VRK2: variants seen among roughly 807,000 people sequenced by gnomAD.
The protein encoded by VRK2 is VRK serine/threonine kinase 2.
A neutral mutation model predicts 57.6 loss-of-function variants in VRK2; 60 were observed. The ratio of observed to expected loss-of-function variants is 1.04; its 90% CI spans 0.85 to 1.29. VRK2 has a LOEUF of 1.29. Ranked by LOEUF, VRK2 falls within the 50% of genes most tolerant of loss-of-function variation. The pLI, the probability that VRK2 is intolerant of heterozygous loss-of-function variation, is 0.00. For missense variants in VRK2, 705 were observed against 588.1 expected (o/e 1.20, Z -2.06); for synonymous variants, 231 against 199.2 (o/e 1.16, Z -1.35).
At chr2:58,103,953 A>G (rs996086241) in intron 7 of VRK2, among the ~76,000 whole-genome samples, 1 of 151,792 alleles carries the variant, frequency 6.6e-6, no homozygotes, top group African/African-American at 2.4e-5. Flanking sequence ...GATTCATCAC[A>G]TAAGCAGAAT....
rs558251196 is a variant in VRK2, at chr2:58,147,039, A to C, written c.1182+565A>C. 30 of 376,968 alleles carry C rather than the reference A, an allele frequency of 8.0e-5. No homozygotes were observed. In the East Asian group the frequency reaches 1.7e-3, roughly 22 times the overall value. 23.4% of individuals were successfully genotyped at this position (376,968 alleles called of 1,614,324 possible). A position where few individuals can be genotyped will look rare whatever the true frequency, so the allele number is the denominator to read the frequency against. ...AATATTTAATTTTGTCAAAATGACC[A>C]ACATTTTATATGATTTATACACCAT... On this transcript the variant is annotated intron_variant, in intron 12 of 12. Transcript: ENST00000340157.
At chr2:57,935,353 C>T (rs1670870874) in intron 1 of VRK2, among the ~76,000 whole-genome samples, 1 of 152,090 alleles carries the variant, frequency 6.6e-6, no homozygotes, top group Admixed American at 6.5e-5. Flanking sequence ...GACTGTATGC[C>T]TTCTTCCAAC....
At chr2:57,993,096 G>A (rs978642439) in intron 1 of VRK2, among the ~76,000 whole-genome samples, 1 of 152,066 alleles carries the variant, frequency 6.6e-6, no homozygotes, top group Non-Finnish European at 1.5e-5. Flanking sequence ...AGAGTAACTG[G>A]TATATTTTAG....
rs182980449 is a variant in VRK2, at chr2:58,040,747, C to T, written c.-6+7194C>T. ...CTAGTTCATTAGGTAAGCTATGTGT[C>T]AACAGTAGATACCAACCAAAAGGTT... On this transcript the variant is annotated intron_variant, in intron 3 of 15. Coordinates refer to the VRK2 transcript ENST00000417641. 3.9e-5 allele frequency among the ~76,000 whole-genome samples: 6 copies of T among 152,226 alleles called. No individual in the cohort carries two copies. The East Asian group carries it at 1.2e-3, about 29-fold the overall frequency.
intron 10 of VRK2, among the ~76,000 whole-genome samples, chr2:58,138,489 A>G (rs1029512734): frequency 1.3e-5 from 2 of 152,214 alleles, no homozygotes; most frequent in African/African-American, 2.4e-5. Flanking sequence ...GTTCCCAGGA[A>G]ATAGCTCTGT....
intron 2 of VRK2, chr2:58,058,402 CT>C (rs767389168): frequency 3.0e-5 from 14 of 470,378 alleles, no homozygotes; most frequent in South Asian, 2.2e-4. Flanking sequence ...GTAAAGGCAG[CT>C]TCCCGCAAAT....
At chr2:57,938,536 C>G (rs1232199052) in intron 1 of VRK2, among the ~76,000 whole-genome samples, 1 of 152,114 alleles carries the variant, frequency 6.6e-6, no homozygotes, top group East Asian at 1.9e-4. Context: ...AACAGGATAC[C>G]ACTTAATGCA....
intron 12 of VRK2, among the ~76,000 whole-genome samples, chr2:58,151,384 T>G (rs1343748929): frequency 6.6e-6 from 1 of 151,842 alleles, no homozygotes. Context: ...ATCTGACTTT[T>G]AACAATTCCA....
At chr2:58,054,237 A>G (rs911801695) in intron 2 of VRK2, among the ~76,000 whole-genome samples, 3 of 151,854 alleles carry the variant, frequency 2.0e-5, no homozygotes. Context: ...AGCATATTTT[A>G]TATTATGGTT....
chr2:58,091,168 A>G (rs533376903), intron 7 of VRK2, among the ~76,000 whole-genome samples: 4 of 152,308 alleles, frequency 2.6e-5, no homozygotes, highest in South Asian at 4.1e-4. Flanking sequence ...TAAGATCCAT[A>G]GAATGGACAA....
At chr2:58,158,851 T>G (rs560923595) in intron 12 of VRK2, among the ~76,000 whole-genome samples, 1 of 152,282 alleles carries the variant, frequency 6.6e-6, no homozygotes, top group East Asian at 1.9e-4. Context: ...CCAAGAGACA[T>G]AACACTATAG....
At chr2:58,146,568 C>A in intron 12 of VRK2, 94 bp downstream of exon 12, 3 of 1,396,616 alleles carry the variant, frequency 2.1e-6, no homozygotes, top group Non-Finnish European at 1.9e-6. Flanking sequence ...TCCTGAGGGC[C>A]AAGGTTGTAT....
chr2:58,136,880 TATCATATATATGTGTATA>T (rs1558684707), intron 10 of VRK2, among the ~76,000 whole-genome samples: 25 of 117,012 alleles, frequency 2.1e-4, no homozygotes, highest in East Asian at 4.7e-4. Context: ...TCATATATTA[TATCATATATATGTGTATA>T]TATATCATAT....
chr2:58,086,321 A>C lies in VRK2; in HGVS notation c.257-18A>C. 2 of 1,580,184 alleles carry C rather than the reference A, an allele frequency of 1.3e-6. No homozygotes were observed. The stretch of plus-strand genomic sequence containing the variant: ...TCAAATAACATGAATCTTTTTAAAA[A>C]TAAATTTGTCTTTGTAGTCAAAAAG... On this transcript the variant is annotated intron_variant, in intron 4 of 12. Coordinates refer to ENST00000340157, the MANE Select transcript of VRK2 (RefSeq NM_006296.7).
At chr2:57,922,588 A>G (rs928353985) in intron 1 of VRK2, among the ~76,000 whole-genome samples, 2 of 151,808 alleles carry the variant, frequency 1.3e-5, no homozygotes, top group East Asian at 1.9e-4. Flanking sequence ...CACAATTAGT[A>G]TACAATTTTT....
intron 1 of VRK2, among the ~76,000 whole-genome samples, chr2:57,998,287 T>C (rs1436350519): frequency 3.3e-5 from 5 of 152,262 alleles, no homozygotes; most frequent in Admixed American, 6.5e-5. Flanking sequence ...GTTTAAAAAC[T>C]ATGCTACTAT....
chr2:58,070,069 CTGT>C (rs765780993), intron 2 of VRK2, among the ~76,000 whole-genome samples: 5 of 152,290 alleles, frequency 3.3e-5, no homozygotes, highest in Middle Eastern at 3.4e-3. Context: ...CTTTCTCCCA[CTGT>C]TGTTATAGTT....
At chr2:58,021,739 A>T (rs1157974076) in intron 1 of VRK2, among the ~76,000 whole-genome samples, 1 of 152,152 alleles carries the variant, frequency 6.6e-6, no homozygotes, top group African/African-American at 2.4e-5. Flanking sequence ...GGACTCAGCC[A>T]GTAGCATCCC....
At chr2:58,082,289 G>A (rs1670998823) in intron 2 of VRK2, among the ~76,000 whole-genome samples, 2 of 151,788 alleles carry the variant, frequency 1.3e-5, no homozygotes, top group African/African-American at 4.8e-5. Flanking sequence ...TTTTCCAGTG[G>A]TAACATAATC....
Sources: allele counts gnomAD v4.1 joint callset (sites outside exome capture counted in the v4.1 genomes callset), GRCh38; gene constraint gnomAD v4.1.1; transcripts MANE v1.5; gene names NCBI Gene and HGNC (gene_info 2026-07-23, HGNC 2026-07-21).